DNAJC1: variants seen among roughly 807,000 people sequenced by gnomAD.
DNAJC1 encodes DnaJ heat shock protein family (Hsp40) member C1.
A neutral mutation model predicts 76.6 loss-of-function variants in DNAJC1; 58 were observed. The observed-to-expected ratio is 0.76, with a 90% CI of 0.61 to 0.94. The LOEUF is 0.94. Among genes scored for constraint, DNAJC1 ranks in the 40% least tolerant of loss-of-function variants. The probability of loss-of-function intolerance (pLI) is 0.00; values close to 1 mark genes in which losing one functional copy is unlikely to be tolerated. For synonymous variants in DNAJC1, 258 were observed against 267.9 expected, an observed-to-expected ratio of 0.96 and a Z score of 0.36; for missense variants, 689 against 677.3, an observed-to-expected ratio of 1.02 and a Z score of -0.19.
intron 9 of DNAJC1, among the ~76,000 whole-genome samples, chr10:21,779,172 C>T (rs930580594): frequency 2.6e-5 from 4 of 152,192 alleles, no homozygotes; most frequent in South Asian, 2.1e-4. Context: ...TCTGGGGACA[C>T]GGCACAGACA....
chr10:21,793,892 A>G (rs909105999), intron 9 of DNAJC1, among the ~76,000 whole-genome samples: 1 of 152,172 alleles, frequency 6.6e-6, no homozygotes, highest in South Asian at 2.1e-4. Flanking sequence ...GGTCGAGGCT[A>G]TAGTGAGCAG....
chr10:21,840,763 C>T (rs1233252735), intron 8 of DNAJC1, among the ~76,000 whole-genome samples: 1 of 152,100 alleles, frequency 6.6e-6, no homozygotes, highest in African/African-American at 2.4e-5. Flanking sequence ...CTTTAAAGTT[C>T]GTATGGAACC....
chr10:21,807,828 C>T (rs564225947), intron 8 of DNAJC1, among the ~76,000 whole-genome samples: 2 of 152,262 alleles, frequency 1.3e-5, no homozygotes, highest in African/African-American at 4.8e-5. Flanking sequence ...TAATGAATAT[C>T]AGAAATCCAA....
intron 8 of DNAJC1, among the ~76,000 whole-genome samples, chr10:21,814,207 T>G (rs562694935): frequency 6.6e-6 from 1 of 152,266 alleles, no homozygotes; most frequent in South Asian, 2.1e-4. Context: ...TGTCTATTAA[T>G]AAGGAAGAAT....
intron 8 of DNAJC1, among the ~76,000 whole-genome samples, chr10:21,845,707 A>G (rs1276255783): frequency 6.6e-6 from 1 of 152,138 alleles, no homozygotes; most frequent in African/African-American, 2.4e-5. Context: ...TATTAATTCA[A>G]TTATTTTTTT....
At chr10:22,003,190 G>A (rs377378140) in intron 1 of DNAJC1, 23 bp downstream of exon 1, 90 of 1,502,034 alleles carry the variant, frequency 6.0e-5, no homozygotes, top group East Asian at 1.7e-4. Context: ...TCTCCGCCCG[G>A]CCCCGCGCGC....
Position 21,759,156 on chromosome 10 carries a change from T to TC in DNAJC1, c.1596+13dup, listed in dbSNP as rs1834210002. 6.2e-7 allele frequency: 1 copy of TC among 1,606,630 alleles called. No homozygotes were observed. The highest frequency in any genetic ancestry group is 2.2e-5 in the East Asian group (1 of 44,804). ...TCTAACACCTGTGCAGAGGCCTCTT[T>TC]CCCCATCACTCACCTTGCTCTTGGA... On this transcript the variant is annotated intron_variant, in intron 11 of 11. Coordinates refer to ENST00000376980, the MANE Select transcript of DNAJC1 (RefSeq NM_022365.4).
At chr10:21,763,592 C>T (rs1245982502) in intron 10 of DNAJC1, among the ~76,000 whole-genome samples, 10 of 139,922 alleles carry the variant, frequency 7.1e-5, no homozygotes, top group Middle Eastern at 3.6e-3. Context: ...TTAGACCCTA[C>T]GCCAAGAATT....
At chr10:21,815,897 C>T (rs898594354) in intron 8 of DNAJC1, among the ~76,000 whole-genome samples, 10 of 151,774 alleles carry the variant, frequency 6.6e-5, no homozygotes, top group South Asian at 4.2e-4. Flanking sequence ...AGGCCCGCCA[C>T]CACGTCTGGC....
intron 9 of DNAJC1, among the ~76,000 whole-genome samples, chr10:21,794,199 G>T (rs1342586210): frequency 2.1e-5 from 3 of 142,922 alleles, no homozygotes; most frequent in African/African-American, 7.8e-5. Flanking sequence ...CAGCCAAGGA[G>T]TTCAAAGTTT....
intron 10 of DNAJC1, among the ~76,000 whole-genome samples, chr10:21,763,901 T>C (rs1834268144): frequency 1.3e-5 from 2 of 152,164 alleles, no homozygotes; most frequent in South Asian, 2.1e-4. Flanking sequence ...GAAACGTTGG[T>C]GCCCTATGTA....
intron 7 of DNAJC1, among the ~76,000 whole-genome samples, chr10:21,891,276 T>C (rs1836457968): frequency 6.6e-6 from 1 of 152,022 alleles, no homozygotes; most frequent in African/African-American, 2.4e-5. Context: ...TGAACACTCT[T>C]GAAACAAATA....
At chr10:21,822,579 A>C (rs988428663) in intron 8 of DNAJC1, among the ~76,000 whole-genome samples, 2 of 152,188 alleles carry the variant, frequency 1.3e-5, no homozygotes, top group African/African-American at 4.8e-5. Context: ...TAAGTTCACA[A>C]GGTAATCAAA....
At chr10:21,842,476 T>C (rs561744918) in intron 8 of DNAJC1, among the ~76,000 whole-genome samples, 3 of 152,218 alleles carry the variant, frequency 2.0e-5, no homozygotes, top group Non-Finnish European at 4.4e-5. Context: ...GAGTCTATGG[T>C]ATTGTCAGAA....
intron 8 of DNAJC1, among the ~76,000 whole-genome samples, chr10:21,840,641 T>C (rs1251890147): frequency 6.6e-6 from 1 of 152,058 alleles, no homozygotes; most frequent in African/African-American, 2.4e-5. Flanking sequence ...TGCTCATGGG[T>C]AGGAAGAATC....
At chr10:21,847,851 T>C (rs988121852) in intron 8 of DNAJC1, among the ~76,000 whole-genome samples, 3 of 152,132 alleles carry the variant, frequency 2.0e-5, no homozygotes, top group Non-Finnish European at 2.9e-5. Flanking sequence ...TCTTTATCCA[T>C]TCATATCCTA....
At chr10:21,918,961 G>T in intron 5 of DNAJC1, 89 bp from the exon 6 acceptor site, 1 of 882,006 alleles carries the variant, frequency 1.1e-6, no homozygotes, top group Non-Finnish European at 1.8e-6. Context: ...TAAAGATCAT[G>T]AATTCTTTTG....
chr10:21,883,251 A>ACACACACACAC, intron 7 of DNAJC1, among the ~76,000 whole-genome samples: 1 of 128,956 alleles, frequency 7.8e-6, no homozygotes, highest in South Asian at 2.9e-4. Context: ...TTCTATCTCA[A>ACACACACACAC]ACACACACAC....
chr10:21,904,493 T>C (rs792455), intron 7 of DNAJC1, 29 bp downstream of exon 7: 918,894 of 1,301,460 alleles, frequency 0.71, 328,885 homozygotes, highest in East Asian at 0.99. Context: ...TTATATGACA[T>C]TGTTAAAACA....
Sources: gnomAD v4.1 joint callset for allele counts (sites outside exome capture counted in the v4.1 genomes callset) on GRCh38, gnomAD v4.1.1 for gene constraint, MANE v1.5 for transcripts, NCBI Gene and HGNC (gene_info 2026-07-23, HGNC 2026-07-21) for gene names.